The following ABCA1 variants were observed in gnomAD, a reference collection of about 807,000 sequenced individuals.
The protein encoded by ABCA1 is ATP binding cassette subfamily A member 1, also known as phospholipid-transporting ATPase ABCA1.
In ABCA1, 133 loss-of-function variants were observed where a neutral mutation model predicts 262.5. The ratio of observed to expected loss-of-function variants is 0.51; its 90% CI spans 0.44 to 0.59. The LOEUF (loss-of-function observed/expected upper bound fraction) is 0.59. ABCA1 is among the 20% of genes least tolerant of loss of function. ABCA1 has a pLI of 0.00. For missense variants in ABCA1, 2,452 were observed against 2,777.5 expected (o/e 0.88, Z 2.63); for synonymous variants, 1,022 against 1,043.5 (o/e 0.98, Z 0.40).
chr9:104,923,149 A>G (rs1436313381), intron 1 of ABCA1, among the ~76,000 whole-genome samples: 1 of 152,242 alleles, frequency 6.6e-6, no homozygotes, highest in East Asian at 1.9e-4. Flanking sequence ...CAACTTCATC[A>G]AGGACAGGAC....
At chr9:104,790,798 T>C (rs1395364211) in intron 44 of ABCA1, 124 bp downstream of exon 44, 1 of 715,358 alleles carries the variant, frequency 1.4e-6, no homozygotes, top group African/African-American at 1.8e-5. Flanking sequence ...CTTTACCCTT[T>C]ACTATATTTC....
In ABCA1 at chr9:104,783,622, G is replaced by A. The variant is rs4149338; in HGVS notation, c.*693C>T. 51,208 of 152,270 alleles carry A rather than the reference G, an allele frequency of 0.34. 9,305 individuals carry two copies. Among genetic ancestry groups the A allele is most frequent in the East Asian group, 0.76 (3,901 of 5,162 alleles). 9.4% of individuals were successfully genotyped at this position (152,270 alleles called of 1,614,324 possible). On this transcript the variant is annotated 3_prime_UTR_variant, in exon 50 of 50. Transcript: ENST00000374736. ...CAATGGAACCAAGTTTCCCGTGCCTGGAGACACCCACATTTTTGTTGCATG... is the reference window on the plus strand; with the variant it reads ...CAATGGAACCAAGTTTCCCGTGCCTAGAGACACCCACATTTTTGTTGCATG...
chr9:104,919,611 C>CAA (rs11394015), intron 1 of ABCA1, among the ~76,000 whole-genome samples: 12 of 145,548 alleles, frequency 8.2e-5, no homozygotes, highest in African/African-American at 3.0e-4. Flanking sequence ...GACTCCATCT[C>CAA]AAAAAAAAAA....
intron 11 of ABCA1, among the ~76,000 whole-genome samples, chr9:104,834,104 C>T (rs1192960652): frequency 6.7e-6 from 1 of 149,804 alleles, no homozygotes; most frequent in Non-Finnish European, 1.5e-5. Flanking sequence ...TCCCCCCTTG[C>T]GCCTTTGTAT....
At chr9:104,840,182 TA>T in intron 9 of ABCA1, 96 bp downstream of exon 9, 1 of 1,601,694 alleles carries the variant, frequency 6.2e-7, no homozygotes, top group Non-Finnish European at 8.5e-7. Flanking sequence ...TGTAGACATC[TA>T]ACGCTGCTAC....
chr9:104,811,352 C>G (rs1432619457), intron 28 of ABCA1, among the ~76,000 whole-genome samples: 2 of 152,218 alleles, frequency 1.3e-5, no homozygotes, highest in Non-Finnish European at 2.9e-5. Context: ...CATGTGAAGT[C>G]ACGCTCCCCA....
chr9:104,922,130 C>T (rs1271665947), intron 1 of ABCA1, among the ~76,000 whole-genome samples: 2 of 152,192 alleles, frequency 1.3e-5, no homozygotes, highest in Non-Finnish European at 2.9e-5. Context: ...TCCAGTGCTC[C>T]TCCATTGTTG....
chr9:104,796,002 G>C, intron 39 of ABCA1, 51 bp downstream of exon 39: 1 of 1,610,724 alleles, frequency 6.2e-7, no homozygotes, highest in Non-Finnish European at 8.5e-7. Context: ...ACTGTCCTCT[G>C]GCTCCCAGAG....
intron 44 of ABCA1, among the ~76,000 whole-genome samples, chr9:104,789,300 T>G (rs977097218): frequency 2.6e-5 from 4 of 152,192 alleles, no homozygotes. Flanking sequence ...AACCTTACTA[T>G]GGGCTGGTTA....
chr9:104,881,078 G>A (rs1317389430), intron 5 of ABCA1, among the ~76,000 whole-genome samples: 1 of 152,142 alleles, frequency 6.6e-6, no homozygotes, highest in Non-Finnish European at 1.5e-5. Flanking sequence ...GAACCCAGGA[G>A]GCAGAGGCTG....
At chr9:104,911,961 A>C (rs1841523401) in intron 1 of ABCA1, among the ~76,000 whole-genome samples, 1 of 152,238 alleles carries the variant, frequency 6.6e-6, no homozygotes, top group African/African-American at 2.4e-5. Context: ...AGTGAATTTT[A>C]TTAATTCCAA....
chr9:104,910,428 A>G (rs958042971), intron 1 of ABCA1, among the ~76,000 whole-genome samples: 2 of 152,130 alleles, frequency 1.3e-5, no homozygotes, highest in Non-Finnish European at 2.9e-5. Flanking sequence ...CCACTTAGCT[A>G]TTTCTCCTAT....
Position 104,792,240 on chromosome 9 carries a change from T to C in ABCA1, c.5758-242A>G, listed in dbSNP as rs2297407. 0.24 allele frequency among the ~76,000 whole-genome samples: 36,583 copies of C among 152,226 alleles called. 6,560 individuals are homozygous for C. The highest frequency in any genetic ancestry group is 0.5 in the African/African-American group (20,656 of 41,498). Reference sequence around the variant, plus strand: ...TTTTTAACCTGTCTTTTTAGAACCGTATCATTCATTATTATCTACATAATT... The same window carrying C: ...TTTTTAACCTGTCTTTTTAGAACCGCATCATTCATTATTATCTACATAATT... On this transcript the variant is annotated intron_variant, in intron 42 of 49. Coordinates refer to ENST00000374736, the MANE Select transcript of ABCA1 (RefSeq NM_005502.4).
At chr9:104,821,338 A>G (rs2118971950) in intron 20 of ABCA1, 37 bp downstream of exon 20, 2 of 1,610,678 alleles carry the variant, frequency 1.2e-6, no homozygotes, top group Non-Finnish European at 1.7e-6. Flanking sequence ...ACACACATCC[A>G]GAAAAGGCCT....
intron 1 of ABCA1, among the ~76,000 whole-genome samples, chr9:104,912,276 G>A (rs1181769481): frequency 6.6e-6 from 1 of 152,184 alleles, no homozygotes. Flanking sequence ...GCTCATGCCT[G>A]TAATCCTAAC....
intron 44 of ABCA1, among the ~76,000 whole-genome samples, chr9:104,790,096 C>CAA (rs35840899): frequency 0.057 from 7,685 of 135,276 alleles, 462 homozygotes; most frequent in African/African-American, 0.15. Context: ...AACTCCGTCT[C>CAA]AAAAAAAAAA....
At position 104,798,408 on chromosome 9, in the gene ABCA1, C is replaced by T; in HGVS notation, c.5121+13G>A. ...ACAGACATCAGAAAGATACAGCAGG[C>T]CTGTGTCCTTACCATATCCCAGACA... On this transcript the variant is annotated intron_variant, in intron 37 of 49. Transcript: ENST00000374736. 1.2e-6 allele frequency: 2 copies of T among 1,613,878 alleles called. No homozygotes were observed. The highest frequency in any genetic ancestry group is 1.3e-5 in the African/African-American group (1 of 75,030).
chr9:104,902,988 G>A (rs905734428), intron 2 of ABCA1, among the ~76,000 whole-genome samples: 33 of 152,308 alleles, frequency 2.2e-4, no homozygotes, highest in Admixed American at 1.2e-3. Context: ...TGACGTCTGA[G>A]TTTCAGGGAG....
chr9:104,812,500 C>T (rs1831367056), intron 28 of ABCA1, 74 bp downstream of exon 28: 1 of 1,590,370 alleles, frequency 6.3e-7, no homozygotes, highest in Non-Finnish European at 8.6e-7. Flanking sequence ...AGGATGCTAT[C>T]CTGCCTTCAC....
Sources: gnomAD v4.1 joint callset for allele counts (sites outside exome capture counted in the v4.1 genomes callset) on GRCh38, gnomAD v4.1.1 for gene constraint, MANE v1.5 for transcripts, NCBI Gene and HGNC (gene_info 2026-07-23, HGNC 2026-07-21) for gene names.